PHF8: variants seen among roughly 807,000 people sequenced by gnomAD.
PHF8 encodes the protein PHD finger protein 8, also known as histone lysine demethylase PHF8.
PHF8 carries 9 observed loss-of-function variants against 74.4 expected under a neutral mutation model. The observed-to-expected ratio is 0.12, with a 90% confidence interval of 0.07 to 0.21. PHF8 has a LOEUF of 0.21. Ranked by LOEUF, PHF8 falls within the 10% of genes least tolerant of loss-of-function variation. The pLI is 1.00. For synonymous variants in PHF8, 311 were observed against 316.6 expected, an observed-to-expected ratio of 0.98 and a Z score of 0.19; for missense variants, 478 against 816.6, an observed-to-expected ratio of 0.59 and a Z score of 5.05.
chrX:53,939,123 G>A lies in PHF8; in HGVS notation c.*35C>T, dbSNP rs782148008. 1.5e-5 allele frequency: 18 copies of A among 1,202,800 alleles called. No homozygotes were observed. The highest frequency in any genetic ancestry group is 1.9e-5 in the Non-Finnish European group (17 of 891,067). ...AGAGTTGACAATGGAGAAGGCAATG[G>A]GGGTAAAGGGGTGAGGGGTGGGACA... On this transcript the variant is annotated 3_prime_UTR_variant, in exon 22 of 22. Coordinates refer to ENST00000338154, the MANE Select transcript of PHF8 (RefSeq NM_015107.3).
chrX:53,974,430 A>G lies in PHF8; in HGVS notation c.2443+10484T>C, dbSNP rs782045235. Among the ~76,000 whole-genome samples, 7 of 112,227 alleles carry G rather than the reference A, an allele frequency of 6.2e-5. No homozygotes were observed. In the South Asian group the frequency reaches 1.5e-3, roughly 24 times the overall value. ...ACAACAGATGCTGGTGAGGTTGCAG[A>G]GAAAAAGGAACGCTTTTACACTGTT... On this transcript the variant is annotated intron_variant, in intron 18 of 21. Transcript: ENST00000338154.
chrX:53,948,312 A>G (rs1214679247), intron 19 of PHF8, among the ~76,000 whole-genome samples: 1 of 111,570 alleles, frequency 9.0e-6, no homozygotes, highest in Non-Finnish European at 1.9e-5. Flanking sequence ...TTTGAGATGG[A>G]GTCTCACAGT....
intron 19 of PHF8, among the ~76,000 whole-genome samples, chrX:53,952,846 C>T (rs1179063281): frequency 9.8e-6 from 1 of 101,854 alleles, no homozygotes; most frequent in African/African-American, 3.7e-5. Flanking sequence ...CGAGATGGTG[C>T]CACTGCACTC....
chrX:53,951,369 C>T (rs2064921480), intron 19 of PHF8, among the ~76,000 whole-genome samples: 1 of 111,967 alleles, frequency 8.9e-6, no homozygotes, highest in South Asian at 3.7e-4. Context: ...TGATGAAAAA[C>T]AATTTATACA....
Position 53,995,715 on chromosome X carries a change from G to T in PHF8, c.1301C>A (p.Ala434Asp). Residue 434 changes from alanine (A) to aspartate (D), a missense_variant, in exon 12 of 22, where the codon GCC (alanine) becomes GAC (aspartate). By Grantham distance (126) the Ala-to-Asp change is moderately radical (BLOSUM62 -2). Transcript: ENST00000338154. The part of the protein sequence containing the change: ...VRTVQLIKDL[A>D]REIRLVEDIF... ...TACTTCCACCAGGCGGATCTCCCTG[G>T]CCAGATCTTTAATGAGCTGTACGGT... The T allele has an allele frequency of 8.4e-7, 1 of 1,196,712 alleles. No individual in the cohort carries two copies. Among genetic ancestry groups the T allele is most frequent in the Non-Finnish European group, 1.1e-6 (1 of 882,446 alleles).
chrX:54,037,653 A>G (rs1557114785), intron 2 of PHF8, among the ~76,000 whole-genome samples: 1 of 112,457 alleles, frequency 8.9e-6, no homozygotes, highest in African/African-American at 3.2e-5. Context: ...TACAAACATA[A>G]ATTTGACAAC....
chrX:53,979,741 C>T (rs1284740543), intron 18 of PHF8, among the ~76,000 whole-genome samples: 1 of 111,799 alleles, frequency 8.9e-6, no homozygotes, highest in African/African-American at 3.2e-5. Flanking sequence ...TTTGGTAAAA[C>T]CTAATTTGAT....
chrX:53,948,170 T>G (rs1250754301), intron 19 of PHF8, among the ~76,000 whole-genome samples: 2 of 112,395 alleles, frequency 1.8e-5, no homozygotes, highest in Non-Finnish European at 3.8e-5. Context: ...AGATATTTTG[T>G]GTAAACAGTT....
upstream of PHF8, chrX:54,044,554 A>G (rs1243023834): frequency 2.0e-5 from 6 of 305,762 alleles, no homozygotes; most frequent in Non-Finnish European, 2.6e-5. Flanking sequence ...CACCTTGAGA[A>G]AGGAGGGCGG....
intron 19 of PHF8, among the ~76,000 whole-genome samples, chrX:53,949,814 A>T (rs1193864911): frequency 1.9e-5 from 2 of 105,513 alleles, no homozygotes; most frequent in African/African-American, 6.9e-5. Flanking sequence ...TCCGTCTCAA[A>T]AAAAAAAAAA....
intron 8 of PHF8, among the ~76,000 whole-genome samples, chrX:54,010,368 A>T (rs948326552): frequency 9.0e-5 from 10 of 111,730 alleles, no homozygotes; most frequent in African/African-American, 3.3e-4. Flanking sequence ...CATATATTTG[A>T]CAATTTAGAT....
intron 2 of PHF8, among the ~76,000 whole-genome samples, chrX:54,033,060 G>C (rs782065547): frequency 6.3e-5 from 7 of 111,125 alleles, no homozygotes; most frequent in Admixed American, 1.9e-4. Context: ...CACCCACCTA[G>C]CAGGTGGTGG....
At position 53,992,852 on chromosome X, in the gene PHF8, G is replaced by A. The variant is rs781991036; in HGVS notation, c.1627-13C>T. ...CAGTGATGTTGAACTGTAGAAGTAG[G>A]AGACTCAGCCGTTACCTGTCTGGGA... On this transcript the variant is annotated splice_polypyrimidine_tract_variant and intron_variant, in intron 13 of 21. Transcript: ENST00000338154. 12 of 1,092,294 alleles carry A rather than the reference G, an allele frequency of 1.1e-5. No homozygotes were observed. The highest frequency in any genetic ancestry group is 5.7e-5 in the South Asian group (3 of 53,025). 90.0% of individuals were successfully genotyped at this position (1,092,294 alleles called of 1,213,427 possible). A position where few individuals can be genotyped will look rare whatever the true frequency, so the allele number is the denominator to read the frequency against.
Position 54,044,316 on chromosome X carries a change from G to A in PHF8, c.-647C>T. On this transcript the variant is annotated 5_prime_UTR_variant, in exon 1 of 22. Coordinates refer to ENST00000338154, the MANE Select transcript of PHF8 (RefSeq NM_015107.3). ...TGGGAGAAGCCCAGTGGCGGTGGTA[G>A]GCAATTCGGAGTAGTCAATAAAGTT... is the stretch of plus-strand genomic sequence containing the variant. The A allele has an allele frequency of 1.3e-6, 1 of 754,943 alleles. No homozygotes were observed. Among genetic ancestry groups the A allele is most frequent in the Non-Finnish European group, 1.6e-6 (1 of 639,131 alleles). The allele number at this position is 754,943 out of a possible 1,213,427, so 62.2% of individuals were successfully genotyped here. A position where few individuals can be genotyped will look rare whatever the true frequency, so the allele number is the denominator to read the frequency against.
At chrX:53,991,310 T>G (rs2065656061) in intron 14 of PHF8, among the ~76,000 whole-genome samples, 1 of 111,514 alleles carries the variant, frequency 9.0e-6, no homozygotes, top group Non-Finnish European at 1.9e-5. Flanking sequence ...GCTACTGAAG[T>G]GAAAATTTGC....
chrX:54,011,018 T>G, intron 8 of PHF8, 104 bp downstream of exon 8: 7 of 743,557 alleles, frequency 9.4e-6, no homozygotes, highest in Non-Finnish European at 1.5e-5. Context: ...TTCGCTGATA[T>G]GAGAAAGACA....
intron 2 of PHF8, among the ~76,000 whole-genome samples, chrX:54,031,599 C>T (rs181322803): frequency 0.033 from 3,495 of 107,335 alleles, 55 homozygotes; most frequent in East Asian, 0.08. Flanking sequence ...AAAAAAAAAA[C>T]CCAAACAAAA....
Position 53,938,556 on chromosome X carries a change from C to G in PHF8, c.*602G>C. 9 of 757,480 alleles carry G rather than the reference C, an allele frequency of 1.2e-5. No homozygotes were observed. Among genetic ancestry groups the G allele is most frequent in the Non-Finnish European group, 1.4e-5 (9 of 640,987 alleles). The allele number at this position is 757,480 out of a possible 1,213,427, so 62.4% of individuals were successfully genotyped here. On this transcript the variant is annotated 3_prime_UTR_variant, in exon 22 of 22. Transcript: ENST00000338154. ...TGAAGTTGGCATTTCTAGGCCACTT[C>G]TGGAAATGGCCCACAGTGGGGCAGG...
At chrX:53,981,511 GTTTT>G (rs370701125) in intron 18 of PHF8, among the ~76,000 whole-genome samples, 2 of 107,341 alleles carry the variant, frequency 1.9e-5, no homozygotes, top group African/African-American at 6.7e-5. Flanking sequence ...ATTTCCCTCT[GTTTT>G]TTTTTTGTTT....
Sources: gnomAD v4.1 joint callset for allele counts (sites outside exome capture counted in the v4.1 genomes callset) on GRCh38, gnomAD v4.1.1 for gene constraint, MANE v1.5 for transcripts, NCBI Gene and HGNC (gene_info 2026-07-23, HGNC 2026-07-21) for gene names.